SYT9: variants seen among roughly 807,000 people sequenced by gnomAD.
SYT9 encodes synaptotagmin-9.
Under a neutral mutation model 48.4 loss-of-function variants are expected in SYT9, and 22 were observed. The observed-to-expected ratio is 0.45, with a 90% CI of 0.32 to 0.65. The LOEUF is 0.65. Among genes scored for constraint, SYT9 ranks in the 30% least tolerant of loss-of-function variants. SYT9 has a pLI of 0.03. For synonymous variants in SYT9, 265 were observed against 245.0 expected, an observed-to-expected ratio of 1.08 and a Z score of -0.76; for missense variants, 577 against 622.0, an observed-to-expected ratio of 0.93 and a Z score of 0.77.
intron 6 of SYT9, among the ~76,000 whole-genome samples, chr11:7,461,700 A>C (rs891400320): frequency 2.6e-5 from 4 of 152,242 alleles, no homozygotes; most frequent in African/African-American, 9.6e-5. Context: ...GGCTCAGCAC[A>C]AATGCCCGGT....
At chr11:7,318,073 A>G (rs896711181) in intron 3 of SYT9, among the ~76,000 whole-genome samples, 1 of 152,218 alleles carries the variant, frequency 6.6e-6, no homozygotes, top group African/African-American at 2.4e-5. Context: ...ACACGTGACC[A>G]TAGTATATCT....
intron 1 of SYT9, among the ~76,000 whole-genome samples, chr11:7,266,592 GTCT>G (rs1404195062): frequency 6.6e-6 from 1 of 152,042 alleles, no homozygotes; most frequent in African/African-American, 2.4e-5. Flanking sequence ...CGATTGCATT[GTCT>G]TCTTTTTTTA....
intron 1 of SYT9, among the ~76,000 whole-genome samples, chr11:7,271,770 G>A (rs999447243): frequency 2.6e-5 from 4 of 152,092 alleles, no homozygotes; most frequent in Non-Finnish European, 5.9e-5. Flanking sequence ...TAGAGGTGGG[G>A]TTTCGCCGTG....
chr11:7,389,265 C>T (rs1192807571), intron 3 of SYT9, among the ~76,000 whole-genome samples: 1 of 152,056 alleles, frequency 6.6e-6, no homozygotes. Context: ...CTGGGGACCC[C>T]TGACACAATG....
intron 1 of SYT9, among the ~76,000 whole-genome samples, chr11:7,278,921 G>A (rs1041763361): frequency 6.6e-6 from 1 of 152,208 alleles, no homozygotes; most frequent in Non-Finnish European, 1.5e-5. Flanking sequence ...ATATTTTCAG[G>A]AGTGCTGATA....
At chr11:7,330,252 A>G (rs571968989) in intron 3 of SYT9, among the ~76,000 whole-genome samples, 122 of 152,316 alleles carry the variant, frequency 8.0e-4, no homozygotes, top group African/African-American at 2.8e-3. Flanking sequence ...ACACAATAGC[A>G]TGGATGGATA....
intron 6 of SYT9, among the ~76,000 whole-genome samples, chr11:7,430,216 T>C (rs1212077487): frequency 6.6e-6 from 1 of 152,148 alleles, no homozygotes; most frequent in East Asian, 2.0e-4. Context: ...TAGAATTACA[T>C]ATTTTTTTCG....
intron 1 of SYT9, among the ~76,000 whole-genome samples, chr11:7,242,441 G>T (rs1847749363): frequency 6.6e-6 from 1 of 152,170 alleles, no homozygotes; most frequent in Admixed American, 6.5e-5. Context: ...TTCTTCAGTA[G>T]AAAAGTGGTG....
At chr11:7,381,293 C>G (rs1190066146) in intron 3 of SYT9, among the ~76,000 whole-genome samples, 1 of 152,178 alleles carries the variant, frequency 6.6e-6, no homozygotes, top group Non-Finnish European at 1.5e-5. Flanking sequence ...GTATCATCTG[C>G]TTTTAATGAA....
In SYT9 at chr11:7,434,743, C is replaced by G. The variant is rs569891982; in HGVS notation, c.1467+14108C>G. On this transcript the variant is annotated intron_variant, in intron 6 of 6. Transcript: ENST00000318881. The stretch of plus-strand genomic sequence containing the variant: ...GTTGTCAATATTTATTATAAGCACA[C>G]TTATAATCTTAAATTTGCACTTTAT... Among the ~76,000 whole-genome samples the G allele has an allele frequency of 7.2e-5, 11 of 152,290 alleles. No individual in the cohort carries two copies. In the South Asian group the frequency reaches 1.9e-3, roughly 26 times the overall value.
chr11:7,354,935 C>T (rs1238680094), intron 3 of SYT9, among the ~76,000 whole-genome samples: 2 of 152,056 alleles, frequency 1.3e-5, no homozygotes, highest in Non-Finnish European at 2.9e-5. Flanking sequence ...TCTCCCTATG[C>T]CTCAGTTTCT....
chr11:7,461,613 T>C (rs1207730449), intron 6 of SYT9, among the ~76,000 whole-genome samples: 1 of 152,224 alleles, frequency 6.6e-6, no homozygotes, highest in African/African-American at 2.4e-5. Flanking sequence ...CCTCAGGTGA[T>C]CCATCCGCCT....
At chr11:7,399,637 C>T (rs1269692965) in intron 3 of SYT9, among the ~76,000 whole-genome samples, 1 of 152,196 alleles carries the variant, frequency 6.6e-6, no homozygotes, top group African/African-American at 2.4e-5. Context: ...AAGTTGTTGA[C>T]ACATCACTGT....
intron 6 of SYT9, among the ~76,000 whole-genome samples, chr11:7,443,510 A>C (rs923642024): frequency 9.2e-5 from 14 of 152,334 alleles, no homozygotes; most frequent in Admixed American, 7.2e-4. Context: ...GAATGCATGA[A>C]AGAGGCTGCG....
At chr11:7,336,899 G>T (rs1849640023) in intron 3 of SYT9, among the ~76,000 whole-genome samples, 1 of 152,164 alleles carries the variant, frequency 6.6e-6, no homozygotes, top group South Asian at 2.1e-4. Context: ...GTCATTGGTA[G>T]TTTAATAGGA....
upstream of SYT9, among the ~76,000 whole-genome samples, chr11:7,251,099 GACACACACACAC>G (rs369736479): frequency 8.3e-5 from 11 of 132,000 alleles, no homozygotes; most frequent in East Asian, 2.1e-4. Context: ...GTGGCACAGT[GACACACACACAC>G]ACACACACAC....
intron 3 of SYT9, among the ~76,000 whole-genome samples, chr11:7,330,888 G>A (rs1341411516): frequency 6.6e-6 from 1 of 152,008 alleles, no homozygotes; most frequent in Non-Finnish European, 1.5e-5. Context: ...GTAGAGACAG[G>A]GTTTCACCAT....
rs775757334 is a variant in SYT9 at position 7,347,023 on chromosome 11, A to G, written c.1044+33082A>G. On this transcript the variant is annotated intron_variant, in intron 3 of 6. Coordinates refer to ENST00000318881, the MANE Select transcript of SYT9 (RefSeq NM_175733.4). ...GTGGGTGGGGCCCCTGTTCCTGAAC[A>G]GGGCTTCATTCCCTTTGTCCATGTT... Among the ~76,000 whole-genome samples the G allele has an allele frequency of 1.6e-4, 24 of 152,328 alleles. No individual in the cohort carries two copies. The Middle Eastern group carries it at 0.01, about 65-fold the overall frequency.
At chr11:7,388,382 T>G (rs1037073313) in intron 3 of SYT9, among the ~76,000 whole-genome samples, 2 of 152,176 alleles carry the variant, frequency 1.3e-5, no homozygotes, top group African/African-American at 4.8e-5. Flanking sequence ...TTTTTTTCTC[T>G]CCTGCCCCTT....
Sources: gnomAD v4.1 joint callset for allele counts (sites outside exome capture counted in the v4.1 genomes callset) on GRCh38, gnomAD v4.1.1 for gene constraint, MANE v1.5 for transcripts, NCBI Gene and HGNC (gene_info 2026-07-23, HGNC 2026-07-21) for gene names.